Variants in PEPD observed in about 807,000 individuals in gnomAD.
PEPD encodes the protein peptidase D.
PEPD carries 53 observed loss-of-function variants against 60.7 expected under a neutral mutation model. That is an observed-to-expected ratio of 0.87 (90% CI 0.70 to 1.10). The LOEUF is 1.10. Ranked by LOEUF, PEPD falls within the 50% of genes least tolerant of loss-of-function variation. The pLI, the probability that PEPD is intolerant of heterozygous loss-of-function variation, is 0.00. For missense variants in PEPD, 711 were observed against 711.9 expected (o/e 1.00, Z 0.01); for synonymous variants, 267 against 284.1 (o/e 0.94, Z 0.60).
In PEPD at chr19:33,391,424, C is replaced by T. The variant is rs750575653; in HGVS notation, c.1023G>A (p.Leu341=). 1.3e-6 allele frequency: 2 copies of T among 1,569,186 alleles called. No individual in the cohort carries two copies. The highest frequency in any genetic ancestry group is 1.7e-6 in the Non-Finnish European group (2 of 1,156,964). Residue 341 remains leucine (L), a synonymous_variant, in exon 13 of 15, where the codon CTG becomes CTA. Transcript: ENST00000244137. ...TGCCGCTCAGGATGCCCATGTGGGCCAGCTCCTCCAGGTGGATGCGGTCAG... is the reference window on the plus strand; with the variant it reads ...TGCCGCTCAGGATGCCCATGTGGGCTAGCTCCTCCAGGTGGATGCGGTCAG... ...RLADRIHLEE[L]AHMGILSGSV... is the part of the protein sequence containing the mutation.
chr19:33,462,989 G>T lies in PEPD; in HGVS notation c.671+6C>A. On this transcript the variant is annotated splice_donor_region_variant and intron_variant, in intron 9 of 14. Transcript: ENST00000244137. ...TAATTTTACCCGGAGAAACATGGTG[G>T]CTTACCTTTCCAACTCATATTCTTT... The T allele has an allele frequency of 1.3e-6, 2 of 1,575,570 alleles. No individual in the cohort carries two copies. Among genetic ancestry groups the T allele is most frequent in the Non-Finnish European group, 1.7e-6 (2 of 1,144,860 alleles).
At chr19:33,392,347 G>A (rs1349347562) in intron 12 of PEPD, among the ~76,000 whole-genome samples, 1 of 152,234 alleles carries the variant, frequency 6.6e-6, no homozygotes, top group Non-Finnish European at 1.5e-5. Context: ...GCCCACGGGT[G>A]CGCCCGTCCC....
intron 9 of PEPD, among the ~76,000 whole-genome samples, chr19:33,456,640 G>C (rs575374974): frequency 6.6e-6 from 1 of 152,314 alleles, no homozygotes; most frequent in African/African-American, 2.4e-5. Flanking sequence ...GAGAAAGGAT[G>C]TGTCTGCTCA....
chr19:33,392,270 G>C (rs1008835934), intron 12 of PEPD, among the ~76,000 whole-genome samples: 3 of 152,216 alleles, frequency 2.0e-5, no homozygotes, highest in African/African-American at 7.2e-5. Flanking sequence ...CACAGGCTCT[G>C]TGGGGCTCTG....
chr19:33,521,086 C>T (rs1030875669), intron 1 of PEPD, among the ~76,000 whole-genome samples: 1 of 152,232 alleles, frequency 6.6e-6, no homozygotes, highest in Non-Finnish European at 1.5e-5. Context: ...ACCCTTCCTC[C>T]CACTACGACC....
intron 7 of PEPD, among the ~76,000 whole-genome samples, chr19:33,477,792 T>C (rs984635433): frequency 6.6e-6 from 1 of 152,222 alleles, no homozygotes; most frequent in Non-Finnish European, 1.5e-5. Flanking sequence ...TTACTTATGG[T>C]AGGAGTTTTT....
chr19:33,456,676 C>T (rs1331760995), intron 9 of PEPD, among the ~76,000 whole-genome samples: 1 of 152,138 alleles, frequency 6.6e-6, no homozygotes, highest in Non-Finnish European at 1.5e-5. Flanking sequence ...TGCCCACGGA[C>T]ACACAGCTGG....
Position 33,439,461 on chromosome 19 carries a change from C to T in PEPD, c.671+23534G>A, listed in dbSNP as rs137933850. Among the ~76,000 whole-genome samples the T allele has an allele frequency of 1.2e-3, 181 of 152,346 alleles. 1 individual carries two copies. Among genetic ancestry groups the T allele is most frequent in the African/African-American group, 3.9e-3 (161 of 41,592 alleles). The stretch of plus-strand genomic sequence containing the variant: ...GACTCCTCCCCTTTGTGCACATGGG[C>T]CTGGGAGTGCGTGGGCCTAGGCCAG... On this transcript the variant is annotated intron_variant, in intron 9 of 14. Coordinates refer to ENST00000244137, the MANE Select transcript of PEPD (RefSeq NM_000285.4).
chr19:33,445,888 C>G (rs145293516), intron 9 of PEPD, among the ~76,000 whole-genome samples: 6,050 of 152,264 alleles, frequency 0.04, 308 homozygotes, highest in Admixed American at 0.16. Context: ...CAAGCCAGCT[C>G]TGGCCACAGC....
At chr19:33,422,633 T>C (rs1283242906) in intron 9 of PEPD, among the ~76,000 whole-genome samples, 3 of 146,936 alleles carry the variant, frequency 2.0e-5, no homozygotes, top group African/African-American at 7.6e-5. Context: ...CTATCATCTA[T>C]CTACCTACCT....
chr19:33,450,848 T>C (rs1259440263), intron 9 of PEPD, among the ~76,000 whole-genome samples: 1 of 151,912 alleles, frequency 6.6e-6, no homozygotes, highest in Non-Finnish European at 1.5e-5. Context: ...CCAAAACAGG[T>C]CCCAGGTAAA....
chr19:33,467,259 G>A (rs910533021), intron 7 of PEPD, among the ~76,000 whole-genome samples: 31 of 151,838 alleles, frequency 2.0e-4, no homozygotes, highest in Non-Finnish European at 8.8e-5. Flanking sequence ...TGTGACATCC[G>A]ACCCAAAGAG....
chr19:33,511,337 C>A, intron 2 of PEPD, 182 bp from the exon 3 acceptor site: 1 of 634,640 alleles, frequency 1.6e-6, no homozygotes, highest in Non-Finnish European at 2.8e-6. Flanking sequence ...CGTAGTTTGG[C>A]AGGGGGCAGC....
At chr19:33,446,786 G>A (rs1347669993) in intron 9 of PEPD, among the ~76,000 whole-genome samples, 1 of 152,246 alleles carries the variant, frequency 6.6e-6, no homozygotes, top group Non-Finnish European at 1.5e-5. Flanking sequence ...TGCCACCTCT[G>A]CTGATAGGGT....
intron 7 of PEPD, among the ~76,000 whole-genome samples, chr19:33,470,843 C>G (rs774848769): frequency 4.6e-5 from 7 of 152,190 alleles, no homozygotes; most frequent in Non-Finnish European, 8.8e-5. Flanking sequence ...GCAAAGCCTC[C>G]TCAGGCTCCA....
chr19:33,504,481 A>T (rs1970763686), intron 3 of PEPD, among the ~76,000 whole-genome samples: 1 of 152,232 alleles, frequency 6.6e-6, no homozygotes, highest in Non-Finnish European at 1.5e-5. Flanking sequence ...ACCAGACTGG[A>T]GGCCGGGCAC....
At chr19:33,471,369 TA>T (rs1970117322) in intron 7 of PEPD, among the ~76,000 whole-genome samples, 1 of 152,168 alleles carries the variant, frequency 6.6e-6, no homozygotes, top group African/African-American at 2.4e-5. Context: ...AAACTGTTTT[TA>T]AGATAACTGT....
intron 2 of PEPD, 94 bp downstream of exon 2, chr19:33,512,499 G>C (rs897733067): frequency 1.7e-6 from 2 of 1,201,828 alleles, no homozygotes; most frequent in African/African-American, 3.0e-5. Flanking sequence ...GGGCCACAAG[G>C]GGCAGCACTG....
intron 9 of PEPD, among the ~76,000 whole-genome samples, chr19:33,461,123 G>A (rs1224030769): frequency 6.6e-6 from 1 of 152,184 alleles, no homozygotes; most frequent in Non-Finnish European, 1.5e-5. Context: ...TGGTGGTTAT[G>A]TAAAAGTAGA....
Sources: allele counts gnomAD v4.1 joint callset (sites outside exome capture counted in the v4.1 genomes callset), GRCh38; gene constraint gnomAD v4.1.1; transcripts MANE v1.5; gene names NCBI Gene and HGNC (gene_info 2026-07-23, HGNC 2026-07-21).